Variants in ZBTB7C observed in about 807,000 individuals in gnomAD.
The protein encoded by ZBTB7C is zinc finger and BTB domain containing 7C.
A neutral mutation model predicts 25.7 loss-of-function variants in ZBTB7C; 8 were observed. The observed-to-expected ratio is 0.31, with a 90% confidence interval of 0.18 to 0.56. ZBTB7C has a LOEUF of 0.56. Ranked by LOEUF, ZBTB7C falls within the 20% of genes least tolerant of loss-of-function variation. The pLI, the probability that ZBTB7C is intolerant of heterozygous loss-of-function variation, is 0.91. For synonymous variants in ZBTB7C, 394 were observed against 369.0 expected, an observed-to-expected ratio of 1.07 and a Z score of -0.78; for missense variants, 824 against 855.2, an observed-to-expected ratio of 0.96 and a Z score of 0.46.
chr18:48,251,586 G>T (rs1214043860), intron 2 of ZBTB7C, among the ~76,000 whole-genome samples: 2 of 152,182 alleles, frequency 1.3e-5, no homozygotes, highest in African/African-American at 4.8e-5. Context: ...GACTACTTGG[G>T]GCTAGGCATG....
chr18:48,358,430 C>T (rs1403528345), intron 1 of ZBTB7C, among the ~76,000 whole-genome samples: 1 of 152,204 alleles, frequency 6.6e-6, no homozygotes, highest in African/African-American at 2.4e-5. Context: ...ACTGCCTGCT[C>T]TCCCTTTGCT....
chr18:48,391,429 TCTGA>T (rs2047900820), intron 1 of ZBTB7C, among the ~76,000 whole-genome samples: 2 of 152,240 alleles, frequency 1.3e-5, no homozygotes, highest in South Asian at 4.1e-4. Context: ...GCCCAGTCTA[TCTGA>T]CTGTCAACAT....
At chr18:48,090,842 C>T (rs2038384459) in intron 3 of ZBTB7C, among the ~76,000 whole-genome samples, 1 of 152,184 alleles carries the variant, frequency 6.6e-6, no homozygotes, top group African/African-American at 2.4e-5. Context: ...TCAGATGACT[C>T]CAGCCCACAG....
At chr18:48,405,986 C>T (rs929832975) in intron 1 of ZBTB7C, among the ~76,000 whole-genome samples, 1 of 152,054 alleles carries the variant, frequency 6.6e-6, no homozygotes, top group African/African-American at 2.4e-5. Context: ...CTGTGTGGTT[C>T]ATTGATAGGT....
At chr18:48,300,533 G>A (rs1296635298) in intron 2 of ZBTB7C, among the ~76,000 whole-genome samples, 3 of 152,162 alleles carry the variant, frequency 2.0e-5, no homozygotes, top group Non-Finnish European at 4.4e-5. Context: ...CCCCAGCCAG[G>A]TCGTTTTTTT....
intron 3 of ZBTB7C, among the ~76,000 whole-genome samples, chr18:48,094,472 A>G (rs1352298300): frequency 6.6e-6 from 1 of 152,220 alleles, no homozygotes; most frequent in Non-Finnish European, 1.5e-5. Flanking sequence ...CAGACATTAT[A>G]CATTTTAGGA....
intron 3 of ZBTB7C, among the ~76,000 whole-genome samples, chr18:48,184,469 A>T (rs2042004742): frequency 6.6e-6 from 1 of 152,186 alleles, no homozygotes; most frequent in African/African-American, 2.4e-5. Flanking sequence ...AAATGGGAAT[A>T]CTGGATAGAG....
intron 1 of ZBTB7C, among the ~76,000 whole-genome samples, chr18:48,348,661 A>G (rs2046794993): frequency 6.6e-6 from 1 of 152,230 alleles, no homozygotes; most frequent in Non-Finnish European, 1.5e-5. Context: ...TACTAAAAAT[A>G]CAAAAATTAG....
intron 3 of ZBTB7C, chr18:48,041,428 A>T: frequency 1.0e-6 from 1 of 985,464 alleles, no homozygotes. Flanking sequence ...CACTTTGCCA[A>T]CATGCAGTTG....
chr18:48,342,188 G>C (rs1004218429), intron 1 of ZBTB7C, among the ~76,000 whole-genome samples: 11 of 152,180 alleles, frequency 7.2e-5, no homozygotes, highest in Non-Finnish European at 1.2e-4. Context: ...TCCCATGCCA[G>C]CTCATCTGCA....
intron 2 of ZBTB7C, among the ~76,000 whole-genome samples, chr18:48,234,823 T>C (rs748044616): frequency 6.6e-6 from 1 of 152,232 alleles, no homozygotes; most frequent in Non-Finnish European, 1.5e-5. Context: ...GGTGGATTTA[T>C]CCATTTTTCC....
intron 3 of ZBTB7C, among the ~76,000 whole-genome samples, chr18:48,118,276 G>C (rs1191923031): frequency 6.6e-6 from 1 of 152,146 alleles, no homozygotes; most frequent in Admixed American, 6.5e-5. Flanking sequence ...AAAGTGCTGG[G>C]ATTACAGGCG....
At chr18:48,135,392 C>T (rs939587254) in intron 3 of ZBTB7C, among the ~76,000 whole-genome samples, 6 of 152,122 alleles carry the variant, frequency 3.9e-5, no homozygotes, top group Admixed American at 3.9e-4. Context: ...TTCTAAAAGA[C>T]GTGGGGTACA....
chr18:48,189,881 C>T (rs905179946), intron 2 of ZBTB7C, among the ~76,000 whole-genome samples: 56 of 152,274 alleles, frequency 3.7e-4, no homozygotes, highest in Admixed American at 3.1e-3. Context: ...CTCCTTGGCT[C>T]GGTGACCAGC....
chr18:48,408,903 G>A (rs2048343464), intron 1 of ZBTB7C, among the ~76,000 whole-genome samples: 1 of 151,222 alleles, frequency 6.6e-6, no homozygotes. Flanking sequence ...CTCGCTCTCC[G>A]CTGGCTCTCC....
intron 3 of ZBTB7C, among the ~76,000 whole-genome samples, chr18:48,092,872 G>A (rs561203491): frequency 3.3e-5 from 5 of 152,234 alleles, no homozygotes; most frequent in South Asian, 2.1e-4. Context: ...GGTTTTTATC[G>A]GTAGATAAAG....
chr18:48,124,181 C>T (rs773979079), intron 3 of ZBTB7C, among the ~76,000 whole-genome samples: 13 of 152,220 alleles, frequency 8.5e-5, no homozygotes, highest in Non-Finnish European at 1.9e-4. Context: ...CTAGAAATGT[C>T]GGATTCTCTG....
Position 48,330,024 on chromosome 18 carries a change from C to A in ZBTB7C, c.-79+8150G>T, listed in dbSNP as rs192595902. ...ACTCAACATCAGGGCTCTCTGAGCT[C>A]AAAGCTGAGGTTCTGTGGTTGCTGT... On this transcript the variant is annotated intron_variant, in intron 2 of 4. Coordinates refer to ENST00000590800, the MANE Select transcript of ZBTB7C (RefSeq NM_001318841.2). 7.6e-4 allele frequency among the ~76,000 whole-genome samples: 116 copies of A among 152,288 alleles called. 1 individual carries two copies. The highest frequency in any genetic ancestry group is 2.6e-3 in the African/African-American group (107 of 41,570).
intron 3 of ZBTB7C, chr18:48,185,369 T>C (rs12455480): frequency 0.24 from 103,828 of 432,542 alleles, 13,123 homozygotes; most frequent in South Asian, 0.28. Flanking sequence ...CTTCTCTTCC[T>C]GAACTGGACT....
Sources: allele counts gnomAD v4.1 joint callset (sites outside exome capture counted in the v4.1 genomes callset), GRCh38; gene constraint gnomAD v4.1.1; transcripts MANE v1.5; gene names NCBI Gene and HGNC (gene_info 2026-07-23, HGNC 2026-07-21).